The following NSMCE2 variants were observed in gnomAD, a reference collection of about 807,000 sequenced individuals.
NSMCE2 encodes the protein NSE2 SUMO ligase component of SMC5/6 complex, also known as E3 SUMO-protein ligase NSE2.
Under a neutral mutation model 23.8 loss-of-function variants are expected in NSMCE2, and 24 were observed. That is an observed-to-expected ratio of 1.01 (90% CI 0.73 to 1.42). The LOEUF (loss-of-function observed/expected upper bound fraction) is 1.42. Among genes scored for constraint, NSMCE2 ranks in the 40% most tolerant of loss-of-function variants. The pLI is 0.00. For synonymous variants in NSMCE2, 92 were observed against 94.1 expected (o/e 0.98, Z 0.13); for missense variants, 284 against 296.5 (o/e 0.96, Z 0.31).
chr8:125,323,014 A>G (rs982801088), intron 5 of NSMCE2, among the ~76,000 whole-genome samples: 4 of 152,170 alleles, frequency 2.6e-5, no homozygotes, highest in Admixed American at 6.5e-5. Context: ...AGCCAAGATC[A>G]TGCTGCTACA....
intron 5 of NSMCE2, among the ~76,000 whole-genome samples, chr8:125,200,915 A>T (rs1023956665): frequency 1.3e-5 from 2 of 152,000 alleles, no homozygotes; most frequent in Non-Finnish European, 2.9e-5. Flanking sequence ...TATTTCATTA[A>T]TTTGATCTTC....
chr8:125,265,143 A>C (rs1203230380), intron 5 of NSMCE2, among the ~76,000 whole-genome samples: 2 of 118,084 alleles, frequency 1.7e-5, no homozygotes, highest in African/African-American at 2.7e-5. Context: ...GCAAGGTTGG[A>C]TCCTGGCTTT....
chr8:125,105,594 G>A (rs1402897223), intron 3 of NSMCE2, among the ~76,000 whole-genome samples: 2 of 152,192 alleles, frequency 1.3e-5, no homozygotes, highest in South Asian at 2.1e-4. Context: ...GCCAAAGTTG[G>A]CAAAGTTTTT....
Position 125,119,410 on chromosome 8 carries a change from C to T in NSMCE2, c.157+16923C>T, listed in dbSNP as rs114410362. 5.6e-3 allele frequency among the ~76,000 whole-genome samples: 855 copies of T among 152,222 alleles called. 10 individuals carry two copies. Among genetic ancestry groups the T allele is most frequent in the African/African-American group, 0.019 (805 of 41,512 alleles). On this transcript the variant is annotated intron_variant, in intron 3 of 7. Transcript: ENST00000287437. ...AAACAGCGTGTATAGTATCTGAATA[C>T]CATCTGGGTTTTTCTAGAATCCTGA...
chr8:125,293,816 A>G (rs887695269), intron 5 of NSMCE2, among the ~76,000 whole-genome samples: 3 of 152,246 alleles, frequency 2.0e-5, no homozygotes, highest in African/African-American at 7.2e-5. Flanking sequence ...GATGTAATAT[A>G]CATACCATAC....
At chr8:125,202,830 A>G (rs1436166587) in intron 5 of NSMCE2, among the ~76,000 whole-genome samples, 2 of 152,234 alleles carry the variant, frequency 1.3e-5, no homozygotes, top group Non-Finnish European at 2.9e-5. Flanking sequence ...AAAGATCTTA[A>G]TGAAGGATAA....
intron 5 of NSMCE2, among the ~76,000 whole-genome samples, chr8:125,193,095 ATG>A (rs1222780779): frequency 2.0e-5 from 3 of 152,226 alleles, no homozygotes; most frequent in African/African-American, 7.2e-5. Flanking sequence ...ATTAAAAATG[ATG>A]TGAGGAGTTT....
chr8:125,287,119 G>A (rs1050613717), intron 5 of NSMCE2, among the ~76,000 whole-genome samples: 2 of 152,050 alleles, frequency 1.3e-5, no homozygotes, highest in Non-Finnish European at 2.9e-5. Context: ...ATCACTTGAG[G>A]TCTGGAGTTT....
intron 5 of NSMCE2, among the ~76,000 whole-genome samples, chr8:125,313,336 G>C (rs1448826270): frequency 6.6e-6 from 1 of 152,162 alleles, no homozygotes; most frequent in Non-Finnish European, 1.5e-5. Context: ...CCAAAAGGTA[G>C]GAAGAGGCAG....
chr8:125,193,452 A>G (rs78737925), intron 5 of NSMCE2, among the ~76,000 whole-genome samples: 3,267 of 152,322 alleles, frequency 0.021, 127 homozygotes, highest in African/African-American at 0.075. Context: ...TAAACATATG[A>G]AAAATATTTT....
chr8:125,136,095 T>A (rs1277532521), intron 3 of NSMCE2, among the ~76,000 whole-genome samples: 1 of 152,224 alleles, frequency 6.6e-6, no homozygotes, highest in Non-Finnish European at 1.5e-5. Context: ...TATAAACCTT[T>A]TTTAAAACAT....
chr8:125,358,358 T>C (rs1391222389), intron 7 of NSMCE2, among the ~76,000 whole-genome samples: 1 of 151,662 alleles, frequency 6.6e-6, no homozygotes, highest in Non-Finnish European at 1.5e-5. Context: ...TTTAGGTAAA[T>C]TCATGGCTAA....
intron 5 of NSMCE2, among the ~76,000 whole-genome samples, chr8:125,223,281 C>A (rs557693876): frequency 3.2e-4 from 48 of 151,896 alleles, no homozygotes; most frequent in African/African-American, 1.1e-3. Context: ...TTGCTTGAAC[C>A]CCAGAAGCAG....
At chr8:125,335,868 G>T (rs1432504901) in intron 5 of NSMCE2, among the ~76,000 whole-genome samples, 1 of 152,180 alleles carries the variant, frequency 6.6e-6, no homozygotes, top group Non-Finnish European at 1.5e-5. Flanking sequence ...TAGGTAGGTT[G>T]GTGTGTCATC....
In NSMCE2 at chr8:125,123,295, C is replaced by A. The variant is rs115207903; in HGVS notation, c.157+20808C>A. Among the ~76,000 whole-genome samples, 709 of 152,262 alleles carry A rather than the reference C, an allele frequency of 4.7e-3. 7 individuals carry two copies. The highest frequency in any genetic ancestry group is 0.017 in the African/African-American group (686 of 41,560). ...AATAAAGTTTATGTTTTAGTTTCCT[C>A]CTTTCCAAAAGCCCTTTACATTTTC... On this transcript the variant is annotated intron_variant, in intron 3 of 7. Coordinates refer to ENST00000287437, the MANE Select transcript of NSMCE2 (RefSeq NM_173685.4).
intron 3 of NSMCE2, among the ~76,000 whole-genome samples, chr8:125,130,873 T>C (rs1236238220): frequency 1.3e-5 from 2 of 152,214 alleles, no homozygotes; most frequent in African/African-American, 2.4e-5. Flanking sequence ...CCGTCCACTG[T>C]ACATTTGCTT....
intron 5 of NSMCE2, among the ~76,000 whole-genome samples, chr8:125,296,260 TACATGAC>T (rs1308607199): frequency 6.6e-6 from 1 of 152,182 alleles, no homozygotes; most frequent in Admixed American, 6.6e-5. Flanking sequence ...TTCTGCTGGG[TACATGAC>T]ATATTGAATG....
intron 3 of NSMCE2, among the ~76,000 whole-genome samples, chr8:125,147,327 T>C (rs1461223917): frequency 6.6e-6 from 1 of 152,232 alleles, no homozygotes; most frequent in Non-Finnish European, 1.5e-5. Flanking sequence ...ATTTTCAGAT[T>C]TATGAAATAT....
At chr8:125,211,222 A>G (rs1824325940) in intron 5 of NSMCE2, among the ~76,000 whole-genome samples, 1 of 152,184 alleles carries the variant, frequency 6.6e-6, no homozygotes, top group African/African-American at 2.4e-5. Flanking sequence ...CACATAGTAC[A>G]AACTTCACAA....
Sources: gnomAD v4.1 joint callset for allele counts (sites outside exome capture counted in the v4.1 genomes callset) on GRCh38, gnomAD v4.1.1 for gene constraint, MANE v1.5 for transcripts, NCBI Gene and HGNC (gene_info 2026-07-23, HGNC 2026-07-21) for gene names.